Variants in PTPRJ observed in about 807,000 individuals in gnomAD.
PTPRJ encodes the protein protein tyrosine phosphatase receptor type J.
A neutral mutation model predicts 141.3 loss-of-function variants in PTPRJ; 129 were observed. The observed-to-expected ratio is 0.91, with a 90% CI of 0.79 to 1.06. The LOEUF (loss-of-function observed/expected upper bound fraction) is 1.06, where lower values mean the gene tolerates loss of function less well. Among genes scored for constraint, PTPRJ ranks in the 50% least tolerant of loss-of-function variants. The probability of loss-of-function intolerance (pLI) is 0.00; values close to 1 mark genes in which losing one functional copy is unlikely to be tolerated. For synonymous variants in PTPRJ, 610 were observed against 640.5 expected (o/e 0.95, Z 0.72); for missense variants, 1,601 against 1,679.7 (o/e 0.95, Z 0.82).
At chr11:48,145,154 G>T in intron 14 of PTPRJ, 30 bp downstream of exon 14, 2 of 1,612,322 alleles carry the variant, frequency 1.2e-6, no homozygotes, top group Non-Finnish European at 1.7e-6. Context: ...CCTGGCACTG[G>T]TTCAGTGGCA....
chr11:48,050,742 T>A (rs540517918), intron 1 of PTPRJ, among the ~76,000 whole-genome samples: 212 of 152,184 alleles, frequency 1.4e-3, no homozygotes, highest in Middle Eastern at 6.8e-3. Context: ...ATGATAAAAT[T>A]AGATAACTCT....
intron 1 of PTPRJ, among the ~76,000 whole-genome samples, chr11:48,008,021 G>C (rs1224405152): frequency 6.6e-6 from 1 of 152,292 alleles, no homozygotes; most frequent in South Asian, 2.1e-4. Flanking sequence ...GAGCACACAG[G>C]GTATTCAGTA....
chr11:47,997,516 T>C (rs1854373008), intron 1 of PTPRJ, among the ~76,000 whole-genome samples: 1 of 152,100 alleles, frequency 6.6e-6, no homozygotes, highest in Non-Finnish European at 1.5e-5. Context: ...TTTGGCCGAG[T>C]TTGTGCTGCG....
Position 48,136,222 on chromosome 11 carries a change from C to T in PTPRJ, c.1799C>T (p.Thr600Ile). Reference sequence around the variant, plus strand: ...ACTCTCCAGGGCCTGATTCCGGGCACCTTATATAACATCACCATCTCTCCA... The same window carrying T: ...ACTCTCCAGGGCCTGATTCCGGGCATCTTATATAACATCACCATCTCTCCA... ...AITLQGLIPG[T>I]LYNITISPEV... Residue 600 changes from threonine (T) to isoleucine (I), a missense_variant, in exon 9 of 25, where the codon ACC (threonine) becomes ATC (isoleucine). Thr to Ile is a moderately conservative substitution (Grantham distance 89). Transcript: ENST00000418331. 1 of 1,614,194 alleles carries T rather than the reference C, an allele frequency of 6.2e-7. No individual in the cohort carries two copies. Among genetic ancestry groups the T allele is most frequent in the Non-Finnish European group, 8.5e-7 (1 of 1,180,042 alleles).
chr11:47,994,479 A>G (rs1349213938), intron 1 of PTPRJ, among the ~76,000 whole-genome samples: 2 of 151,540 alleles, frequency 1.3e-5, no homozygotes, highest in African/African-American at 4.9e-5. Flanking sequence ...ACATGGTGAA[A>G]CCCTGTCTCT....
In PTPRJ at chr11:47,980,849, C is replaced by T; in HGVS notation, c.-64C>T. 3.7e-6 allele frequency: 4 copies of T among 1,072,540 alleles called. No individual in the cohort carries two copies. In the South Asian group the frequency reaches 1.3e-4, roughly 35 times the overall value. The allele number at this position is 1,072,540 out of a possible 1,614,324, so 66.4% of individuals were successfully genotyped here. On this transcript the variant is annotated 5_prime_UTR_variant, in exon 1 of 25. Transcript: ENST00000418331. Reference sequence around the variant, plus strand: ...GGCAGGAGGCGGCGACGACGGTGCCCGGGCTCGGGCGCACGGCGGGGCCCG... The same window carrying T: ...GGCAGGAGGCGGCGACGACGGTGCCTGGGCTCGGGCGCACGGCGGGGCCCG...
chr11:48,095,984 A>T (rs927475708), intron 1 of PTPRJ, among the ~76,000 whole-genome samples: 1 of 152,230 alleles, frequency 6.6e-6, no homozygotes, highest in African/African-American at 2.4e-5. Context: ...ACACTTCAGG[A>T]GAATTGGTGG....
chr11:48,152,199 G>A lies in PTPRJ; in HGVS notation c.3139-1597G>A, dbSNP rs1857501079. ...GATTTGCATTTCTCTGATGGCCAGC[G>A]ATGATGAGCATTTTTTCATGTGTCT... is the stretch of plus-strand genomic sequence containing the variant. On this transcript the variant is annotated intron_variant, in intron 18 of 24. Transcript: ENST00000418331. 2.6e-5 allele frequency among the ~76,000 whole-genome samples: 4 copies of A among 152,024 alleles called. No individual in the cohort carries two copies. The South Asian group carries it at 8.3e-4, about 31-fold the overall frequency.
At chr11:48,018,680 T>C (rs1855017356) in intron 1 of PTPRJ, among the ~76,000 whole-genome samples, 1 of 151,924 alleles carries the variant, frequency 6.6e-6, no homozygotes, top group South Asian at 2.1e-4. Context: ...GGGAGGGGCG[T>C]CGGGGCCCAG....
chr11:48,137,446 T>G (rs958992590), intron 10 of PTPRJ, among the ~76,000 whole-genome samples, 165 bp downstream of exon 10: 9 of 152,232 alleles, frequency 5.9e-5, no homozygotes, highest in African/African-American at 2.2e-4. Flanking sequence ...CTCGATGCCC[T>G]CATCATTTCT....
intron 22 of PTPRJ, among the ~76,000 whole-genome samples, chr11:48,160,911 G>A (rs982005976): frequency 6.6e-6 from 1 of 152,036 alleles, no homozygotes; most frequent in African/African-American, 2.4e-5. Context: ...CCCAGGTGCG[G>A]TGATTCTAAC....
chr11:48,167,469 G>A lies in PTPRJ; in HGVS notation c.*107G>A. On this transcript the variant is annotated 3_prime_UTR_variant, in exon 25 of 25. Coordinates refer to ENST00000418331, the MANE Select transcript of PTPRJ (RefSeq NM_002843.4). Reference sequence around the variant, plus strand: ...TATATGTCTAATATCTTAATTCTTTGTTCTGTTTTGTGAGAACTAATTTTG... The same window carrying A: ...TATATGTCTAATATCTTAATTCTTTATTCTGTTTTGTGAGAACTAATTTTG... The A allele has an allele frequency of 7.7e-7, 1 of 1,305,674 alleles. No individual in the cohort carries two copies. The highest frequency in any genetic ancestry group is 1.0e-6 in the Non-Finnish European group (1 of 959,428). The allele number at this position is 1,305,674 out of a possible 1,614,324, so 80.9% of individuals were successfully genotyped here. A position where few individuals can be genotyped will look rare whatever the true frequency, so the allele number is the denominator to read the frequency against.
intron 1 of PTPRJ, among the ~76,000 whole-genome samples, chr11:48,054,057 C>A (rs189839248): frequency 6.6e-6 from 1 of 151,348 alleles, no homozygotes; most frequent in Non-Finnish European, 1.5e-5. Context: ...CTCAGCCTCC[C>A]GAGTAGCTGG....
intron 1 of PTPRJ, among the ~76,000 whole-genome samples, chr11:47,997,865 AAGCGAGAGAGAGAATGCCTTCCAGCC>A (rs965355451): frequency 1.3e-4 from 15 of 114,674 alleles, no homozygotes; most frequent in African/African-American, 8.8e-4. Context: ...TCAGGGTGTA[AAGCGAGAGAGAGAATGCCTTCCAGCC>A]AGCGAGAGAG....
At chr11:47,996,424 C>G (rs935669055) in intron 1 of PTPRJ, among the ~76,000 whole-genome samples, 27 of 152,002 alleles carry the variant, frequency 1.8e-4, no homozygotes, top group African/African-American at 6.5e-4. Flanking sequence ...ATGCTCTTCC[C>G]TTATAGCTGT....
At chr11:48,080,295 C>T (rs78170201) in intron 1 of PTPRJ, among the ~76,000 whole-genome samples, 3,873 of 152,178 alleles carry the variant, frequency 0.025, 162 homozygotes, top group African/African-American at 0.088. Context: ...ACCATGTGCC[C>T]GGCTATGTGC....
chr11:48,101,144 T>C (rs1388111421), intron 1 of PTPRJ, among the ~76,000 whole-genome samples: 1 of 152,202 alleles, frequency 6.6e-6, no homozygotes, highest in African/African-American at 2.4e-5. Flanking sequence ...CTAAAGCCCC[T>C]ACTGTGTGCT....
rs921799259 is a variant in PTPRJ at position 48,168,363 on chromosome 11, T to C, written c.*1001T>C. 2.0e-4 allele frequency: 30 copies of C among 151,604 alleles called. No homozygotes were observed. The highest frequency in any genetic ancestry group is 7.3e-4 in the African/African-American group (30 of 41,306). 9.4% of individuals were successfully genotyped at this position (151,604 alleles called of 1,614,324 possible). ...GATGTTCTAGGTTTTTAGTAACGTTTTACTCAGGTTGGCATTTTATGTGTC... is the reference window on the plus strand; with the variant it reads ...GATGTTCTAGGTTTTTAGTAACGTTCTACTCAGGTTGGCATTTTATGTGTC... On this transcript the variant is annotated 3_prime_UTR_variant, in exon 25 of 25. Transcript: ENST00000418331.
intron 8 of PTPRJ, 98 bp from the exon 9 acceptor site, chr11:48,135,941 T>C (rs926974302): frequency 4.3e-6 from 6 of 1,398,590 alleles, no homozygotes; most frequent in Non-Finnish European, 5.9e-6. Flanking sequence ...TTAGAAAGCG[T>C]AATGGCAAAA....
Sources: gnomAD v4.1 joint callset for allele counts (sites outside exome capture counted in the v4.1 genomes callset) on GRCh38, gnomAD v4.1.1 for gene constraint, MANE v1.5 for transcripts, NCBI Gene and HGNC (gene_info 2026-07-23, HGNC 2026-07-21) for gene names.